The following TTC7B variants were observed in gnomAD, a reference collection of about 807,000 sequenced individuals.
The protein encoded by TTC7B is tetratricopeptide repeat protein 7B.
Under a neutral mutation model 106.8 loss-of-function variants are expected in TTC7B, and 28 were observed. That is an observed-to-expected ratio of 0.26 (90% confidence interval 0.19 to 0.36). TTC7B has a LOEUF of 0.36. Ranked by LOEUF, TTC7B falls within the 10% of genes least tolerant of loss-of-function variation. TTC7B has a pLI of 1.00. For missense variants in TTC7B, 862 were observed against 1,076.4 expected, an observed-to-expected ratio of 0.80 and a Z score of 2.79; for synonymous variants, 405 against 430.6, an observed-to-expected ratio of 0.94 and a Z score of 0.74.
intron 4 of TTC7B, among the ~76,000 whole-genome samples, chr14:90,743,290 C>T (rs1369998803): frequency 6.6e-6 from 1 of 152,152 alleles, no homozygotes; most frequent in Non-Finnish European, 1.5e-5. Flanking sequence ...CTGTGATTCT[C>T]ACTCTAATCT....
chr14:90,524,566 G>GCAT lies in TTC7B; in HGVS notation c.*16799_*16801dup, dbSNP rs1179799515. 6.6e-6 allele frequency: 1 copy of GCAT among 152,236 alleles called. No homozygotes were observed. Among genetic ancestry groups the GCAT allele is most frequent in the African/African-American group, 2.4e-5 (1 of 41,448 alleles). 9.4% of individuals were successfully genotyped at this position (152,236 alleles called of 1,614,324 possible). ...GTTGAAAAATCCCAAGGCACATGTA[G>GCAT]CATCATGCATTTTTTTATTCAGGAA... On this transcript the variant is annotated 3_prime_UTR_variant, in exon 20 of 20. Transcript: ENST00000328459.
intron 1 of TTC7B, among the ~76,000 whole-genome samples, chr14:90,790,293 AG>A (rs1891540720): frequency 6.6e-6 from 1 of 150,724 alleles, no homozygotes; most frequent in Non-Finnish European, 1.5e-5. Flanking sequence ...TATCACTTTT[AG>A]AAAAAAAAAA....
chr14:90,771,923 TA>T (rs1271804140), intron 3 of TTC7B, among the ~76,000 whole-genome samples: 1 of 146,154 alleles, frequency 6.8e-6, no homozygotes. Context: ...ATTTTATATA[TA>T]AATATATATT....
intron 5 of TTC7B, among the ~76,000 whole-genome samples, chr14:90,721,298 C>T (rs955556175): frequency 3.3e-5 from 5 of 152,214 alleles, no homozygotes; most frequent in African/African-American, 4.8e-5. Flanking sequence ...TCACTAAGTG[C>T]TAGCACTTGT....
chr14:90,786,736 C>T (rs1325390805), intron 1 of TTC7B, among the ~76,000 whole-genome samples: 3 of 152,134 alleles, frequency 2.0e-5, no homozygotes, highest in Admixed American at 2.0e-4. Context: ...CCTGCCATCA[C>T]GCCCGACTAC....
chr14:90,557,901 C>T (rs917096374), intron 19 of TTC7B, among the ~76,000 whole-genome samples: 21 of 152,224 alleles, frequency 1.4e-4, no homozygotes, highest in African/African-American at 4.8e-4. Flanking sequence ...TCAAAAATAC[C>T]AATGGTGCAG....
At chr14:90,791,693 A>G (rs1891591074) in intron 1 of TTC7B, among the ~76,000 whole-genome samples, 1 of 152,106 alleles carries the variant, frequency 6.6e-6, no homozygotes, top group South Asian at 2.1e-4. Flanking sequence ...ACCCTCCCCC[A>G]TAGGCTGGAC....
In TTC7B at chr14:90,735,656, C is replaced by T. The variant is rs181131602; in HGVS notation, c.577-5460G>A. Among the ~76,000 whole-genome samples, 221 of 151,382 alleles carry T rather than the reference C, an allele frequency of 1.5e-3. 1 individual carries two copies. Among genetic ancestry groups the T allele is most frequent in the African/African-American group, 5.2e-3 (216 of 41,294 alleles). Reference sequence around the variant, plus strand: ...GGTGGATCGCTTGAGGTCAGGAGTTCGAGACCAGCCTGGGCAACACAGCGA... The same window carrying T: ...GGTGGATCGCTTGAGGTCAGGAGTTTGAGACCAGCCTGGGCAACACAGCGA... On this transcript the variant is annotated intron_variant, in intron 4 of 19. Coordinates refer to ENST00000328459, the MANE Select transcript of TTC7B (RefSeq NM_001010854.2).
intron 4 of TTC7B, among the ~76,000 whole-genome samples, chr14:90,740,494 C>CTT (rs71461924): frequency 0.026 from 2,066 of 78,352 alleles, 28 homozygotes; most frequent in Non-Finnish European, 0.03. Context: ...AATTCTTTGA[C>CTT]TTTTTTTTTT....
At position 90,657,156 on chromosome 14, in the gene TTC7B, G is replaced by C. The variant is rs749979506; in HGVS notation, c.1341+18C>G. 1.2e-6 allele frequency: 2 copies of C among 1,605,186 alleles called. No homozygotes were observed. The highest frequency in any genetic ancestry group is 1.7e-5 in the Admixed American group (1 of 59,858). ...CAGAGTCCTCTGCAGGAGCGGGGAG[G>C]GGGGCGCCCCTACTCACCCAGTGCA... On this transcript the variant is annotated intron_variant, in intron 11 of 19. Transcript: ENST00000328459. The surrounding 1 kb of genome is among the most constrained non-coding windows in gnomAD (Gnocchi z 4.2).
intron 19 of TTC7B, among the ~76,000 whole-genome samples, chr14:90,543,788 T>A (rs1889703572): frequency 6.6e-6 from 1 of 152,220 alleles, no homozygotes; most frequent in Admixed American, 6.5e-5. Context: ...CAATAAAGCC[T>A]TGCCCTCGCT....
chr14:90,792,620 A>G (rs140936063), intron 1 of TTC7B, among the ~76,000 whole-genome samples: 2 of 152,268 alleles, frequency 1.3e-5, no homozygotes, highest in African/African-American at 2.4e-5. Flanking sequence ...AGCACGGTGC[A>G]GGAAAATGAT....
At chr14:90,744,665 G>A (rs1193911764) in intron 4 of TTC7B, 127 bp downstream of exon 4, 7 of 984,742 alleles carry the variant, frequency 7.1e-6, no homozygotes, top group South Asian at 1.6e-5. Context: ...TTAGCTTTAA[G>A]GAGTACAAGT....
intron 4 of TTC7B, among the ~76,000 whole-genome samples, chr14:90,738,118 A>T (rs1056276227): frequency 3.3e-5 from 5 of 152,252 alleles, no homozygotes; most frequent in Admixed American, 6.5e-5. Flanking sequence ...AAAAGAAAAT[A>T]GAAATATAAC....
intron 15 of TTC7B, among the ~76,000 whole-genome samples, chr14:90,620,356 T>C (rs976913862): frequency 6.6e-6 from 1 of 152,140 alleles, no homozygotes; most frequent in African/African-American, 2.4e-5. Flanking sequence ...TCAGGGTGCC[T>C]CTGTGGGGAT....
chr14:90,610,599 A>C, intron 17 of TTC7B, 143 bp downstream of exon 17: 1 of 656,654 alleles, frequency 1.5e-6, no homozygotes, highest in Non-Finnish European at 2.8e-6. Context: ...CACTGGAGCA[A>C]TGCACCTCGG....
intron 9 of TTC7B, among the ~76,000 whole-genome samples, chr14:90,674,518 C>T (rs1236724589): frequency 1.3e-5 from 2 of 152,224 alleles, no homozygotes; most frequent in Non-Finnish European, 2.9e-5. Flanking sequence ...GGCCCGCCCC[C>T]GTCAGCACAT....
chr14:90,624,296 T>C lies in TTC7B; in HGVS notation c.1752-6251A>G, dbSNP rs1050421989. Among the ~76,000 whole-genome samples, 1 of 152,190 alleles carries C rather than the reference T, an allele frequency of 6.6e-6. No individual in the cohort carries two copies. Among genetic ancestry groups the C allele is most frequent in the African/African-American group, 2.4e-5 (1 of 41,448 alleles). ...AAGATAACTCTTGAAATAACAACTA[T>C]GTTTGGATAGGGCAGGGCTTAGAAA... is the stretch of plus-strand genomic sequence containing the variant. On this transcript the variant is annotated intron_variant, in intron 15 of 19. Transcript: ENST00000328459. The surrounding 1 kb of genome is among the most constrained non-coding windows in gnomAD (Gnocchi z 4.0).
rs1443254074 is a variant in TTC7B, at chr14:90,537,147, A to C, written c.*4221T>G. The C allele has an allele frequency of 6.6e-6, 1 of 152,200 alleles. No individual in the cohort carries two copies. Among genetic ancestry groups the C allele is most frequent in the African/African-American group, 2.4e-5 (1 of 41,462 alleles). The allele number at this position is 152,200 out of a possible 1,614,324, so 9.4% of individuals were successfully genotyped here. On this transcript the variant is annotated 3_prime_UTR_variant, in exon 20 of 20. Coordinates refer to ENST00000328459, the MANE Select transcript of TTC7B (RefSeq NM_001010854.2). ...TTCTGACCTCCAAAACAAAGAGAATAAATTTGTGTTAAGACGCTAAGTTTG... is the reference window on the plus strand; with the variant it reads ...TTCTGACCTCCAAAACAAAGAGAATCAATTTGTGTTAAGACGCTAAGTTTG...
Sources: allele counts gnomAD v4.1 joint callset (sites outside exome capture counted in the v4.1 genomes callset), GRCh38; gene constraint gnomAD v4.1.1; non-coding constraint Gnocchi (gnomAD v3.1); transcripts MANE v1.5; gene names NCBI Gene and HGNC (gene_info 2026-07-23, HGNC 2026-07-21).